TENM1: variants seen among roughly 807,000 people sequenced by gnomAD.
TENM1 encodes teneurin transmembrane protein 1.
A neutral mutation model predicts 174.8 loss-of-function variants in TENM1; 35 were observed. The observed-to-expected ratio is 0.20, with a 90% confidence interval of 0.15 to 0.27. The LOEUF (loss-of-function observed/expected upper bound fraction) is 0.27, where lower values mean the gene tolerates loss of function less well. Among genes scored for constraint, TENM1 ranks in the 10% least tolerant of loss-of-function variants. The probability of loss-of-function intolerance (pLI) is 1.00; values close to 1 mark genes in which losing one functional copy is unlikely to be tolerated. For missense variants in TENM1, 1,633 were observed against 2,130.1 expected (o/e 0.77, Z 4.59); for synonymous variants, 781 against 798.7 (o/e 0.98, Z 0.37).
intron 11 of TENM1, among the ~76,000 whole-genome samples, chrX:124,605,805 A>G (rs1171785516): frequency 8.9e-6 from 1 of 111,806 alleles, no homozygotes; most frequent in Non-Finnish European, 1.9e-5. Context: ...ATTATATGTG[A>G]GGCTTTCAAT....
At chrX:125,191,642 T>C in the TENM1 span, among the ~76,000 whole-genome samples, 1 of 111,894 alleles carries the variant, frequency 8.9e-6, no homozygotes, top group African/African-American at 3.3e-5. Context: ...GGACAGTGCT[T>C]TGCCTAGGAA....
chrX:125,128,071 A>G, the TENM1 span, among the ~76,000 whole-genome samples: 1 of 111,560 alleles, frequency 9.0e-6, no homozygotes, highest in African/African-American at 3.3e-5. Flanking sequence ...AACAGCATCC[A>G]ACCCCTCCAC....
chrX:124,716,929 A>G (rs2053197453), intron 4 of TENM1, among the ~76,000 whole-genome samples: 1 of 111,117 alleles, frequency 9.0e-6, no homozygotes, highest in African/African-American at 3.3e-5. Context: ...TCAAAGTTAA[A>G]GGCACCTTTT....
Position 124,419,745 on chromosome X carries a change from C to G in TENM1, c.4982+566G>C, listed in dbSNP as rs778330111. Reference sequence around the variant, plus strand: ...CATTTGGCTCTTCCTTTTACAGAAGCAGCCAATGGAATGGAGCCTCTCCTA... The same window carrying G: ...CATTTGGCTCTTCCTTTTACAGAAGGAGCCAATGGAATGGAGCCTCTCCTA... On this transcript the variant is annotated intron_variant, in intron 25 of 31. Coordinates refer to ENST00000422452, the Ensembl canonical transcript of TENM1. 1.7e-4 allele frequency among the ~76,000 whole-genome samples: 19 copies of G among 112,111 alleles called. No individual in the cohort carries two copies. The East Asian group carries it at 5.3e-3, about 31-fold the overall frequency.
the TENM1 span, among the ~76,000 whole-genome samples, chrX:125,056,560 C>T: frequency 9.0e-6 from 1 of 111,268 alleles, no homozygotes; most frequent in African/African-American, 3.3e-5. Context: ...TACCCCAGGG[C>T]TACTGTCAGA....
At chrX:124,942,083 T>G (rs1261643167) in intron 1 of TENM1, among the ~76,000 whole-genome samples, 1 of 111,718 alleles carries the variant, frequency 9.0e-6, no homozygotes, top group Non-Finnish European at 1.9e-5. Context: ...GAGCTACAAT[T>G]CAAGATGAGA....
At chrX:125,060,568 T>C in the TENM1 span, among the ~76,000 whole-genome samples, 10 of 111,232 alleles carry the variant, frequency 9.0e-5, no homozygotes, top group Admixed American at 9.6e-4. Flanking sequence ...AAACTTTCAG[T>C]TTTGTAGTTT....
At chrX:125,022,395 G>C in the TENM1 span, among the ~76,000 whole-genome samples, 1 of 111,403 alleles carries the variant, frequency 9.0e-6, no homozygotes, top group East Asian at 2.8e-4. Context: ...TAAGCACCAG[G>C]GTTCGATAAA....
the TENM1 span, among the ~76,000 whole-genome samples, chrX:125,115,489 T>G: frequency 1.8e-5 from 2 of 111,151 alleles, no homozygotes; most frequent in Non-Finnish European, 3.8e-5. Flanking sequence ...TTTAGAAAAC[T>G]CCATCGTCAC....
At chrX:124,968,680 G>A (rs1406421898), upstream of TENM1, among the ~76,000 whole-genome samples, 2 of 111,339 alleles carry the variant, frequency 1.8e-5, no homozygotes, top group Non-Finnish European at 3.8e-5. Flanking sequence ...CCTGCTCCTC[G>A]ACACTCAACG....
intron 3 of TENM1, 52 bp from the exon 7 acceptor site, chrX:124,737,249 C>G (rs978784034): frequency 2.7e-6 from 3 of 1,103,505 alleles, no homozygotes; most frequent in Admixed American, 6.2e-5. Context: ...TCCCACTTGG[C>G]AGTCAGGGAA....
At chrX:125,100,070 G>C in the TENM1 span, among the ~76,000 whole-genome samples, 10 of 111,343 alleles carry the variant, frequency 9.0e-5, no homozygotes, top group African/African-American at 3.3e-4. Flanking sequence ...CATTTAATTA[G>C]AAGTCCTCTT....
chrX:124,960,126 C>A (rs772732106), intron 1 of TENM1, among the ~76,000 whole-genome samples: 1 of 111,936 alleles, frequency 8.9e-6, no homozygotes, highest in Admixed American at 9.5e-5. Context: ...TAAAAAACTC[C>A]TAAATTGGGC....
the TENM1 span, among the ~76,000 whole-genome samples, chrX:125,149,994 C>A: frequency 9.0e-6 from 1 of 110,695 alleles, no homozygotes; most frequent in Non-Finnish European, 1.9e-5. Context: ...GGCATCAAAA[C>A]AAGGGATTTT....
At chrX:124,833,338 G>A (rs749045031) in intron 3 of TENM1, among the ~76,000 whole-genome samples, 41 of 112,121 alleles carry the variant, frequency 3.7e-4, no homozygotes, top group Non-Finnish European at 7.1e-4. Flanking sequence ...AACAAGGTAG[G>A]TTTTGTGCAG....
At chrX:124,859,497 T>C (rs1220925210) in intron 3 of TENM1, among the ~76,000 whole-genome samples, 2 of 101,812 alleles carry the variant, frequency 2.0e-5, no homozygotes, top group African/African-American at 7.4e-5. Context: ...TGAGCCAAGA[T>C]AGTGCCACTG....
the TENM1 span, among the ~76,000 whole-genome samples, chrX:125,040,036 CAACT>C: frequency 3.6e-5 from 4 of 111,265 alleles, no homozygotes; most frequent in South Asian, 1.1e-3. Context: ...TGTCTTTGAC[CAACT>C]GATTACAATT....
chrX:124,958,874 T>TG (rs1215101787), intron 1 of TENM1, among the ~76,000 whole-genome samples: 1 of 111,389 alleles, frequency 9.0e-6, no homozygotes, highest in Non-Finnish European at 1.9e-5. Context: ...GTGATGATGA[T>TG]GAAGTCAATT....
intron 9 of TENM1, among the ~76,000 whole-genome samples, chrX:124,646,328 A>T (rs1291101787): frequency 1.8e-5 from 2 of 112,228 alleles, no homozygotes; most frequent in African/African-American, 6.5e-5. Flanking sequence ...AAGTCAGCTC[A>T]TTATGAATTA....
Sources: allele counts gnomAD v4.1 joint callset (sites outside exome capture counted in the v4.1 genomes callset), GRCh38; gene constraint gnomAD v4.1.1; transcripts MANE v1.5; gene names NCBI Gene and HGNC (gene_info 2026-07-23, HGNC 2026-07-21).